The following USP22 variants were observed in gnomAD, a reference collection of about 807,000 sequenced individuals.
The protein encoded by USP22 is ubiquitin carboxyl-terminal hydrolase 22.
USP22 carries 22 observed loss-of-function variants against 68.1 expected under a neutral mutation model. The observed-to-expected ratio is 0.32, with a 90% CI of 0.23 to 0.46. The LOEUF (loss-of-function observed/expected upper bound fraction) is 0.46, where lower values mean the gene tolerates loss of function less well. Ranked by LOEUF, USP22 falls within the 20% of genes least tolerant of loss-of-function variation. USP22 has a pLI of 1.00. For missense variants in USP22, 433 were observed against 695.8 expected (o/e 0.62, Z 4.25); for synonymous variants, 279 against 274.2 (o/e 1.02, Z -0.17).
rs777982429 is a variant in USP22 at position 21,004,222 on chromosome 17, C to T, written c.1515G>A (p.Lys505=). 2 of 1,614,196 alleles carry T rather than the reference C, an allele frequency of 1.2e-6. No individual in the cohort carries two copies. The highest frequency in any genetic ancestry group is 1.7e-6 in the Non-Finnish European group (2 of 1,180,020). ...DDAIITKASI[K]DVLDSEGYLL... Reference sequence around the variant, plus strand: ...CGCACCCTTCGCTGTCCAGGACGTCCTTGATGCTGGCCTTGGTGATGATGG... The same window carrying T: ...CGCACCCTTCGCTGTCCAGGACGTCTTTGATGCTGGCCTTGGTGATGATGG... Residue 505 remains lysine (K), a synonymous_variant, in exon 12 of 13, where the codon AAG becomes AAA. Coordinates refer to ENST00000261497, the MANE Select transcript of USP22 (RefSeq NM_015276.2).
At chr17:21,011,627 T>C (rs576132626) in intron 7 of USP22, 40 of 322,024 alleles carry the variant, frequency 1.2e-4, no homozygotes, top group African/African-American at 7.3e-4. Flanking sequence ...TGTCAGAGGC[T>C]CTGAATCCAC....
chr17:21,042,500 G>T (rs1268187686), intron 1 of USP22, among the ~76,000 whole-genome samples, 165 bp downstream of exon 1: 1 of 148,562 alleles, frequency 6.7e-6, no homozygotes, highest in African/African-American at 2.5e-5. Context: ...AAGGAAAGGA[G>T]GGGGAAGGGG....
intron 1 of USP22, among the ~76,000 whole-genome samples, chr17:21,040,267 G>A (rs1972409758): frequency 2.0e-5 from 3 of 152,216 alleles, no homozygotes. Context: ...TTGTCCAACT[G>A]TTAATCATCA....
intron 12 of USP22, 136 bp from the exon 13 acceptor site, chr17:21,003,209 T>C: frequency 2.0e-6 from 2 of 1,014,752 alleles, no homozygotes. Flanking sequence ...GTTTTGGCTT[T>C]TTAGTCCGCA....
chr17:21,012,957 G>A, intron 6 of USP22, 22 bp from the exon 7 acceptor site: 1 of 1,608,360 alleles, frequency 6.2e-7, no homozygotes, highest in Non-Finnish European at 8.5e-7. Context: ...CCACGGCTCT[G>A]GGATTAGTGT....
intron 2 of USP22, among the ~76,000 whole-genome samples, chr17:21,027,497 G>C (rs543010406): frequency 6.6e-6 from 1 of 150,612 alleles, no homozygotes; most frequent in Admixed American, 6.6e-5. Context: ...ACTTCAGGGC[G>C]GGAAAGCCTA....
Position 21,021,240 on chromosome 17 carries a change from G to A in USP22, c.305-14C>T, listed in dbSNP as rs76317334. On this transcript the variant is annotated splice_polypyrimidine_tract_variant and intron_variant, in intron 2 of 12. Coordinates refer to ENST00000261497, the MANE Select transcript of USP22 (RefSeq NM_015276.2). ...TCAGATCAATGGCTGAGGAGAGAAAGGAGGGAGGAGAAACCAAGTTGAATT... is the reference window on the plus strand; with the variant it reads ...TCAGATCAATGGCTGAGGAGAGAAAAGAGGGAGGAGAAACCAAGTTGAATT... 3.8e-4 allele frequency: 600 copies of A among 1,576,336 alleles called. 5 individuals carry two copies. The East Asian group carries it at 0.011, about 29-fold the overall frequency.
chr17:21,003,463 A>G (rs532614470), intron 12 of USP22, among the ~76,000 whole-genome samples: 1 of 152,292 alleles, frequency 6.6e-6, no homozygotes, highest in Non-Finnish European at 1.5e-5. Flanking sequence ...ACCTCTCAAG[A>G]GGGCTTGGCT....
rs542284888 is a variant in USP22 at position 21,019,762 on chromosome 17, T to C, written c.419-577A>G. Among the ~76,000 whole-genome samples the C allele has an allele frequency of 6.6e-5, 10 of 152,380 alleles. No homozygotes were observed. In the East Asian group the frequency reaches 1.7e-3, roughly 26 times the overall value. On this transcript the variant is annotated intron_variant, in intron 3 of 12. Coordinates refer to ENST00000261497, the MANE Select transcript of USP22 (RefSeq NM_015276.2). ...CTTGTTCCATGCCAACCAACATTTCTGAATACTTCAAAATACTTTAAAAGA... is the reference window on the plus strand; with the variant it reads ...CTTGTTCCATGCCAACCAACATTTCCGAATACTTCAAAATACTTTAAAAGA...
chr17:21,027,944 G>T (rs942329480), intron 2 of USP22, among the ~76,000 whole-genome samples: 2 of 152,132 alleles, frequency 1.3e-5, no homozygotes, highest in Admixed American at 6.5e-5. Flanking sequence ...CTCCACCCTG[G>T]GTGACAGCGC....
chr17:21,042,466 G>A (rs568191155), intron 1 of USP22, among the ~76,000 whole-genome samples, 199 bp downstream of exon 1: 122 of 144,632 alleles, frequency 8.4e-4, no homozygotes, highest in African/African-American at 2.8e-3. Context: ...GAGGAGATAA[G>A]GGAAGGGAGA....
intron 3 of USP22, among the ~76,000 whole-genome samples, chr17:21,019,900 C>T (rs1380424084): frequency 1.3e-5 from 2 of 152,186 alleles, no homozygotes; most frequent in African/African-American, 4.8e-5. Context: ...GAATAATACA[C>T]CCACACTTAG....
rs796787006 is a variant in USP22, at chr17:21,002,872, G to C, written c.*159C>G. The C allele has an allele frequency of 2.3e-6, 2 of 855,018 alleles. No individual in the cohort carries two copies. Among genetic ancestry groups the C allele is most frequent in the African/African-American group, 3.3e-5 (2 of 59,782 alleles). The allele number at this position is 855,018 out of a possible 1,614,324, so 53.0% of individuals were successfully genotyped here. A position where few individuals can be genotyped will look rare whatever the true frequency, so the allele number is the denominator to read the frequency against. On this transcript the variant is annotated 3_prime_UTR_variant, in exon 13 of 13. Transcript: ENST00000261497. ...CCGTCCGTGTGGTCCATCCCGACCC[G>C]ATGGGTCCCAGGTGCAGAGGGGCCA...
In USP22 at chr17:21,030,272, C is replaced by G. The variant is rs920449357; in HGVS notation, c.172-1598G>C. Among the ~76,000 whole-genome samples, 15 of 152,180 alleles carry G rather than the reference C, an allele frequency of 9.9e-5. 1 individual carries two copies. The highest frequency in any genetic ancestry group is 9.2e-4 in the Admixed American group (14 of 15,276). ...CAGGAATAATGACATGAGAAAAAGT[C>G]TGTACATGTTCAGTACTGATGCACC... On this transcript the variant is annotated intron_variant, in intron 1 of 12. Coordinates refer to ENST00000261497, the MANE Select transcript of USP22 (RefSeq NM_015276.2).
At chr17:21,008,137 A>T in intron 8 of USP22, 141 bp from the exon 9 acceptor site, 1 of 1,078,402 alleles carries the variant, frequency 9.3e-7, no homozygotes. Context: ...GAAACAATGA[A>T]AAAAAGAGAA....
At chr17:21,016,289 G>A (rs1328884431) in intron 5 of USP22, among the ~76,000 whole-genome samples, 1 of 152,222 alleles carries the variant, frequency 6.6e-6, no homozygotes, top group Non-Finnish European at 1.5e-5. Flanking sequence ...CTGTGATTAT[G>A]CAGAATTCAC....
chr17:21,024,848 G>T (rs995117009), intron 2 of USP22, among the ~76,000 whole-genome samples: 3 of 152,070 alleles, frequency 2.0e-5, no homozygotes, highest in African/African-American at 7.2e-5. Context: ...CGTACCTGTG[G>T]TCCCAGCCAC....
intron 1 of USP22, among the ~76,000 whole-genome samples, chr17:21,036,351 G>C (rs972872792): frequency 1.3e-5 from 2 of 152,122 alleles, no homozygotes; most frequent in Non-Finnish European, 2.9e-5. Flanking sequence ...AAAAATAACT[G>C]ATGAGGCCCT....
At chr17:21,028,440 C>G in intron 2 of USP22, 102 bp downstream of exon 2, 1 of 1,538,226 alleles carries the variant, frequency 6.5e-7, no homozygotes, top group Non-Finnish European at 8.8e-7. Flanking sequence ...TTGAGACAAA[C>G]GACAAAGTGG....
Sources: allele counts gnomAD v4.1 joint callset (sites outside exome capture counted in the v4.1 genomes callset), GRCh38; gene constraint gnomAD v4.1.1; transcripts MANE v1.5; gene names NCBI Gene and HGNC (gene_info 2026-07-23, HGNC 2026-07-21).